THSD4: variants seen among roughly 807,000 people sequenced by gnomAD.
THSD4 encodes thrombospondin type 1 domain containing 4.
Under a neutral mutation model 119.0 loss-of-function variants are expected in THSD4, and 69 were observed. The observed-to-expected ratio is 0.58, with a 90% CI of 0.48 to 0.71. THSD4 has a LOEUF of 0.71. Ranked by LOEUF, THSD4 falls within the 30% of genes least tolerant of loss-of-function variation. The probability of loss-of-function intolerance (pLI) is 0.00; values close to 1 mark genes in which losing one functional copy is unlikely to be tolerated. For missense variants in THSD4, 1,393 were observed against 1,391.1 expected (o/e 1.00, Z -0.02); for synonymous variants, 524 against 540.4 (o/e 0.97, Z 0.42).
At chr15:71,503,492 C>G (rs1208774108) in intron 7 of THSD4, among the ~76,000 whole-genome samples, 1 of 152,208 alleles carries the variant, frequency 6.6e-6, no homozygotes, top group African/African-American at 2.4e-5. Flanking sequence ...GCTGTTCCAC[C>G]TTGGGATTCC....
intron 7 of THSD4, among the ~76,000 whole-genome samples, chr15:71,449,537 G>A (rs542257525): frequency 3.9e-5 from 6 of 152,234 alleles, no homozygotes; most frequent in East Asian, 1.9e-4. Context: ...AGATAATTCT[G>A]TGTAGTACTT....
intron 7 of THSD4, among the ~76,000 whole-genome samples, chr15:71,474,314 G>A (rs1394857892): frequency 6.6e-6 from 1 of 152,024 alleles, no homozygotes; most frequent in Non-Finnish European, 1.5e-5. Context: ...CTGCCGCCTG[G>A]GTTCAAGCGA....
chr15:71,097,722 ATATATATT>A (rs1486868985), intron 1 of THSD4, among the ~76,000 whole-genome samples: 1 of 133,680 alleles, frequency 7.5e-6, no homozygotes, highest in African/African-American at 2.8e-5. Context: ...ATATATATAT[ATATATATT>A]TTTTTTTTTA....
intron 7 of THSD4, among the ~76,000 whole-genome samples, chr15:71,548,837 A>G (rs2048882485): frequency 6.6e-6 from 1 of 152,222 alleles, no homozygotes; most frequent in Admixed American, 6.5e-5. Flanking sequence ...GAGAGCTCAT[A>G]TGGAAAATAT....
intron 1 of THSD4, among the ~76,000 whole-genome samples, chr15:71,108,862 T>A (rs2040285087): frequency 6.6e-6 from 1 of 152,010 alleles, no homozygotes; most frequent in Non-Finnish European, 1.5e-5. Context: ...TGTGGTGGCA[T>A]GTGCCTGTAG....
chr15:71,305,592 A>G (rs1425529149), intron 6 of THSD4, among the ~76,000 whole-genome samples: 1 of 152,196 alleles, frequency 6.6e-6, no homozygotes, highest in African/African-American at 2.4e-5. Context: ...CTTTATTCAA[A>G]AACTCCAAGT....
chr15:71,200,777 G>C (rs1236706466), intron 3 of THSD4, among the ~76,000 whole-genome samples: 1 of 152,094 alleles, frequency 6.6e-6, no homozygotes, highest in African/African-American at 2.4e-5. Flanking sequence ...ATTGAAATAA[G>C]ATGTGGGGAT....
intron 6 of THSD4, among the ~76,000 whole-genome samples, chr15:71,280,798 A>G (rs761223519): frequency 9.2e-5 from 14 of 152,162 alleles, no homozygotes; most frequent in East Asian, 3.9e-4. Flanking sequence ...CAGTCCTTCA[A>G]AAAGGTCCAT....
chr15:71,418,674 G>T (rs537851747), intron 7 of THSD4, among the ~76,000 whole-genome samples: 1 of 108,440 alleles, frequency 9.2e-6, no homozygotes, highest in South Asian at 2.9e-4. Context: ...TTTTTCTGAA[G>T]GATTTTTACA....
intron 14 of THSD4, among the ~76,000 whole-genome samples, chr15:71,756,581 G>A (rs1384866838): frequency 1.3e-5 from 2 of 152,154 alleles, no homozygotes; most frequent in Non-Finnish European, 2.9e-5. Flanking sequence ...TCAGGAGTTT[G>A]AGACCAGCCT....
intron 6 of THSD4, among the ~76,000 whole-genome samples, chr15:71,277,010 T>G (rs910395318): frequency 1.3e-5 from 2 of 152,190 alleles, no homozygotes; most frequent in Non-Finnish European, 2.9e-5. Context: ...CTGATGGCTG[T>G]GTATTAAATA....
intron 6 of THSD4, among the ~76,000 whole-genome samples, chr15:71,313,140 A>G (rs958003427): frequency 1.3e-5 from 2 of 152,208 alleles, no homozygotes; most frequent in African/African-American, 4.8e-5. Flanking sequence ...TGATATCAGT[A>G]TGGACCCATG....
chr15:71,454,410 G>T (rs1286560786), intron 7 of THSD4, among the ~76,000 whole-genome samples: 1 of 152,212 alleles, frequency 6.6e-6, no homozygotes, highest in Non-Finnish European at 1.5e-5. Context: ...GAAAAGAAGG[G>T]TGGGATCATC....
chr15:71,684,461 A>C (rs1026273992), intron 8 of THSD4, among the ~76,000 whole-genome samples: 5 of 152,048 alleles, frequency 3.3e-5, no homozygotes, highest in South Asian at 2.1e-4. Flanking sequence ...TTTTAATTGA[A>C]TATATGATTA....
intron 6 of THSD4, among the ~76,000 whole-genome samples, chr15:71,344,267 TCTCCTGAC>T (rs1259275505): frequency 4.6e-5 from 7 of 151,732 alleles, no homozygotes; most frequent in African/African-American, 1.5e-4. Flanking sequence ...ATGGTCTCGA[TCTCCTGAC>T]CTCGTGATCC....
intron 8 of THSD4, among the ~76,000 whole-genome samples, chr15:71,690,286 T>A (rs1399412322): frequency 6.6e-6 from 1 of 152,210 alleles, no homozygotes; most frequent in Non-Finnish European, 1.5e-5. Context: ...TTCTTCGGAA[T>A]CACAAAAGCC....
At chr15:71,435,242 C>G (rs1406153230) in intron 7 of THSD4, among the ~76,000 whole-genome samples, 1 of 152,058 alleles carries the variant, frequency 6.6e-6, no homozygotes, top group African/African-American at 2.4e-5. Flanking sequence ...CCAGACAGAG[C>G]AGAGAAAGTT....
chr15:71,449,581 C>T (rs1399838251), intron 7 of THSD4, among the ~76,000 whole-genome samples: 3 of 152,234 alleles, frequency 2.0e-5, no homozygotes, highest in African/African-American at 7.2e-5. Flanking sequence ...ACTAAAAATA[C>T]AATCAGCTGT....
At chr15:71,200,281 T>C (rs2043792323) in intron 3 of THSD4, among the ~76,000 whole-genome samples, 1 of 152,082 alleles carries the variant, frequency 6.6e-6, no homozygotes, top group South Asian at 2.1e-4. Flanking sequence ...TTATGTTGAC[T>C]AGGGGGAGGG....
Sources: gnomAD v4.1 joint callset for allele counts (sites outside exome capture counted in the v4.1 genomes callset) on GRCh38, gnomAD v4.1.1 for gene constraint, MANE v1.5 for transcripts, NCBI Gene and HGNC (gene_info 2026-07-23, HGNC 2026-07-21) for gene names.